GNAL: variants seen among roughly 807,000 people sequenced by gnomAD.
GNAL encodes the protein guanine nucleotide-binding protein G(olf) subunit alpha.
GNAL carries 18 observed loss-of-function variants against 55.1 expected under a neutral mutation model. The ratio of observed to expected loss-of-function variants is 0.33; its 90% CI spans 0.23 to 0.48. The LOEUF (loss-of-function observed/expected upper bound fraction) is 0.48. Ranked by LOEUF, GNAL falls within the 20% of genes least tolerant of loss-of-function variation. The pLI is 0.99. For synonymous variants in GNAL, 253 were observed against 237.0 expected (o/e 1.07, Z -0.62); for missense variants, 412 against 614.1 (o/e 0.67, Z 3.48).
chr18:11,830,303 T>TTTTTTA (rs2035350550), intron 5 of GNAL, among the ~76,000 whole-genome samples: 1 of 147,858 alleles, frequency 6.8e-6, no homozygotes, highest in Non-Finnish European at 1.5e-5. Context: ...TTTTTTTTTT[T>TTTTTTA]GAGGCGGAGT....
chr18:11,755,573 C>A (rs1373002733), intron 4 of GNAL, among the ~76,000 whole-genome samples: 1 of 152,180 alleles, frequency 6.6e-6, no homozygotes, highest in Non-Finnish European at 1.5e-5. Context: ...CCGTGCCCAG[C>A]CAAGAATAAC....
At chr18:11,733,315 C>T (rs1291022696) in intron 1 of GNAL, among the ~76,000 whole-genome samples, 1 of 152,226 alleles carries the variant, frequency 6.6e-6, no homozygotes, top group Non-Finnish European at 1.5e-5. Flanking sequence ...CTGTTTCCCT[C>T]TGCTCACCCT....
intron 1 of GNAL, among the ~76,000 whole-genome samples, chr18:11,692,567 G>A (rs976972427): frequency 6.6e-6 from 1 of 151,942 alleles, no homozygotes; most frequent in African/African-American, 2.4e-5. Flanking sequence ...TAAATCTTCG[G>A]ATATGCAAGT....
intron 5 of GNAL, among the ~76,000 whole-genome samples, chr18:11,861,118 G>A (rs1223631674): frequency 6.6e-6 from 1 of 152,150 alleles, no homozygotes; most frequent in African/African-American, 2.4e-5. Flanking sequence ...ACCTACCAAA[G>A]GACAGAACCA....
intron 7 of GNAL, among the ~76,000 whole-genome samples, chr18:11,865,587 CAAA>C (rs61456751): frequency 1.9e-4 from 23 of 123,074 alleles, no homozygotes; most frequent in Admixed American, 1.6e-4. Flanking sequence ...CTGTCTCTAC[CAAA>C]AAAAAAAAAA....
At chr18:11,756,392 G>A (rs892421314) in intron 4 of GNAL, among the ~76,000 whole-genome samples, 2 of 152,168 alleles carry the variant, frequency 1.3e-5, no homozygotes, top group African/African-American at 4.8e-5. Flanking sequence ...ACCAGCAGAT[G>A]CAAATGTAAT....
chr18:11,716,499 CG>C (rs768392040), intron 1 of GNAL, among the ~76,000 whole-genome samples: 1 of 152,182 alleles, frequency 6.6e-6, no homozygotes, highest in Non-Finnish European at 1.5e-5. Flanking sequence ...CAGGTTGCCA[CG>C]GCTGGCTCTG....
chr18:11,752,173 A>C lies in GNAL; in HGVS notation c.377-680A>C. The C allele has an allele frequency of 2.2e-6, 1 of 451,536 alleles. No homozygotes were observed. The highest frequency in any genetic ancestry group is 3.6e-6 in the Non-Finnish European group (1 of 281,276). The allele number at this position is 451,536 out of a possible 1,614,324, so 28.0% of individuals were successfully genotyped here. On this transcript the variant is annotated intron_variant, in intron 1 of 11. Coordinates refer to ENST00000334049, the MANE Select transcript of GNAL (RefSeq NM_182978.4). This position sits in a 1 kb window ranked among gnomAD's most constrained non-coding sequence, Gnocchi z 4.5. ...TCCGTTCATTGTGCTGTATTCATCC[A>C]GCAGATTTTGAAACAATTCTCGTGT...
chr18:11,825,720 ACT>A (rs1301657802), intron 5 of GNAL, among the ~76,000 whole-genome samples: 63 of 79,130 alleles, frequency 8.0e-4, no homozygotes, highest in African/African-American at 2.5e-3. Flanking sequence ...GACAGATGAG[ACT>A]CTGTCTCAAA....
At chr18:11,796,438 G>C (rs2034382067) in intron 4 of GNAL, among the ~76,000 whole-genome samples, 1 of 151,970 alleles carries the variant, frequency 6.6e-6, no homozygotes, top group African/African-American at 2.4e-5. Flanking sequence ...AAATTAGCCA[G>C]GCGTGGTGGC....
Position 11,749,639 on chromosome 18 carries a change from C to T in GNAL, c.377-3214C>T, listed in dbSNP as rs544670207. 1.6e-4 allele frequency among the ~76,000 whole-genome samples: 25 copies of T among 152,276 alleles called. No homozygotes were observed. In the South Asian group the frequency reaches 5.0e-3, roughly 30 times the overall value. On this transcript the variant is annotated intron_variant, in intron 1 of 11. Coordinates refer to ENST00000334049, the MANE Select transcript of GNAL (RefSeq NM_182978.4). ...CCACAGTCTAGTGGAGTTTTGAGGACACAGTTAAACCATAACAATGCAAGG... is the reference window on the plus strand; with the variant it reads ...CCACAGTCTAGTGGAGTTTTGAGGATACAGTTAAACCATAACAATGCAAGG...
At chr18:11,717,961 G>C (rs1456988438) in intron 1 of GNAL, among the ~76,000 whole-genome samples, 1 of 152,086 alleles carries the variant, frequency 6.6e-6, no homozygotes, top group Non-Finnish European at 1.5e-5. Flanking sequence ...AAAGAAATCA[G>C]TCTTAAGCAA....
intron 1 of GNAL, among the ~76,000 whole-genome samples, chr18:11,727,733 A>C (rs1215848832): frequency 6.6e-6 from 1 of 152,230 alleles, no homozygotes; most frequent in East Asian, 1.9e-4. Flanking sequence ...GACTCAGGTA[A>C]TCAGGGTTTT....
chr18:11,797,040 T>G (rs1405551645), intron 4 of GNAL, among the ~76,000 whole-genome samples: 2 of 152,154 alleles, frequency 1.3e-5, no homozygotes, highest in African/African-American at 2.4e-5. Context: ...TTGCAGCCTC[T>G]GCCACGCGGG....
At chr18:11,873,570 T>C (rs2036449018) in intron 10 of GNAL, among the ~76,000 whole-genome samples, 1 of 152,118 alleles carries the variant, frequency 6.6e-6, no homozygotes, top group Non-Finnish European at 1.5e-5. Context: ...CGCCAGAGGG[T>C]CACTCAGCGT....
chr18:11,730,735 G>T (rs12954608), intron 1 of GNAL, among the ~76,000 whole-genome samples: 1 of 151,894 alleles, frequency 6.6e-6, no homozygotes, highest in East Asian at 2.0e-4. Context: ...CTGCACCCCA[G>T]CCTGGGTAAC....
chr18:11,769,589 T>A (rs192687657), intron 4 of GNAL, among the ~76,000 whole-genome samples: 61 of 152,352 alleles, frequency 4.0e-4, no homozygotes, highest in African/African-American at 1.4e-3. Context: ...AATCCACAGT[T>A]GTGGGAGTTA....
chr18:11,798,720 A>G (rs187260426), intron 4 of GNAL, among the ~76,000 whole-genome samples: 9 of 152,332 alleles, frequency 5.9e-5, no homozygotes, highest in Admixed American at 3.9e-4. Context: ...CATGGATTTA[A>G]GGATATTTTC....
intron 1 of GNAL, among the ~76,000 whole-genome samples, chr18:11,729,667 G>A (rs981128946): frequency 3.3e-5 from 5 of 152,036 alleles, no homozygotes; most frequent in Non-Finnish European, 5.9e-5. Flanking sequence ...ATTCATTTCT[G>A]TATCCTCCAC....
Sources: gnomAD v4.1 joint callset for allele counts (sites outside exome capture counted in the v4.1 genomes callset) on GRCh38, gnomAD v4.1.1 for gene constraint, Gnocchi (gnomAD v3.1) non-coding constraint, MANE v1.5 for transcripts, NCBI Gene and HGNC (gene_info 2026-07-23, HGNC 2026-07-21) for gene names.